Variants in ATP8B4 observed in about 807,000 individuals in gnomAD.
ATP8B4 encodes the protein probable phospholipid-transporting ATPase IM.
In ATP8B4, 133 loss-of-function variants were observed where a neutral mutation model predicts 145.6. The ratio of observed to expected loss-of-function variants is 0.91; its 90% CI spans 0.79 to 1.05. The LOEUF (loss-of-function observed/expected upper bound fraction) is 1.05. Among genes scored for constraint, ATP8B4 ranks in the 50% least tolerant of loss-of-function variants. ATP8B4 has a pLI of 0.00. For missense variants in ATP8B4, 1,458 were observed against 1,425.2 expected (o/e 1.02, Z -0.37); for synonymous variants, 507 against 492.9 (o/e 1.03, Z -0.38).
At chr15:50,036,529 C>G (rs921622987) in intron 6 of ATP8B4, among the ~76,000 whole-genome samples, 1 of 152,210 alleles carries the variant, frequency 6.6e-6, no homozygotes, top group Non-Finnish European at 1.5e-5. Context: ...TCCCCAATAT[C>G]TCAAAATCCA....
intron 9 of ATP8B4, among the ~76,000 whole-genome samples, chr15:49,993,555 T>C (rs2047198911): frequency 6.6e-6 from 1 of 152,172 alleles, no homozygotes; most frequent in Non-Finnish European, 1.5e-5. Flanking sequence ...CATCATCCTC[T>C]TGGTCTTTAA....
intron 23 of ATP8B4, among the ~76,000 whole-genome samples, chr15:49,885,344 G>C (rs11853881): frequency 0.24 from 37,093 of 152,064 alleles, 5,639 homozygotes; most frequent in Middle Eastern, 0.35. Context: ...CTCTCAGTGA[G>C]ACCTTTTACA....
chr15:50,044,551 A>T, intron 5 of ATP8B4, 43 bp downstream of exon 5: 1 of 1,358,400 alleles, frequency 7.4e-7, no homozygotes. Flanking sequence ...AGAAGCCACA[A>T]CTGAAATTGA....
At chr15:49,917,760 A>G (rs2039890656) in intron 19 of ATP8B4, among the ~76,000 whole-genome samples, 1 of 152,174 alleles carries the variant, frequency 6.6e-6, no homozygotes, top group African/African-American at 2.4e-5. Context: ...ACTCTAGCTA[A>G]TTCTATGGAA....
At chr15:49,938,924 G>A (rs1275899809) in intron 14 of ATP8B4, among the ~76,000 whole-genome samples, 2 of 151,792 alleles carry the variant, frequency 1.3e-5, no homozygotes, top group Non-Finnish European at 2.9e-5. Flanking sequence ...GACCAAAGTA[G>A]GACAAAAATA....
At chr15:50,019,931 G>A (rs1487004229) in intron 6 of ATP8B4, among the ~76,000 whole-genome samples, 1 of 151,480 alleles carries the variant, frequency 6.6e-6, no homozygotes, top group African/African-American at 2.4e-5. Flanking sequence ...TCTCCACTAT[G>A]TAGGGCCCAG....
At chr15:50,117,255 G>A (rs1296747196) in intron 1 of ATP8B4, among the ~76,000 whole-genome samples, 1 of 152,044 alleles carries the variant, frequency 6.6e-6, no homozygotes, top group Non-Finnish European at 1.5e-5. Flanking sequence ...TCATCATGTT[G>A]GCCAGGGTAG....
At chr15:50,146,014 C>CT (rs10624735) in intron 1 of ATP8B4, among the ~76,000 whole-genome samples, 25,162 of 133,022 alleles carry the variant, frequency 0.19, 2,945 homozygotes, top group Non-Finnish European at 0.21. Context: ...TAAATGTTTA[C>CT]TTTTTTTTTT....
At chr15:50,018,741 T>A (rs534199825) in intron 6 of ATP8B4, 3 of 341,984 alleles carry the variant, frequency 8.8e-6, no homozygotes, top group Non-Finnish European at 1.7e-5. Flanking sequence ...GAAAACTATA[T>A]GCCTGGACTG....
rs535001071 is a variant in ATP8B4 at position 49,942,791 on chromosome 15, C to T, written c.1288-8609G>A. The stretch of plus-strand genomic sequence containing the variant: ...AGTGAGCCGAGATCGCGCCACTGCA[C>T]TCCAGCCTGGGTGACAGAGCAAGAC... On this transcript the variant is annotated intron_variant, in intron 14 of 27. Coordinates refer to ENST00000284509, the MANE Select transcript of ATP8B4 (RefSeq NM_024837.4). Among the ~76,000 whole-genome samples, 37 of 152,008 alleles carry T rather than the reference C, an allele frequency of 2.4e-4. No homozygotes were observed. In the East Asian group the frequency reaches 7.1e-3, roughly 29 times the overall value.
In ATP8B4 at chr15:50,086,994, TAAA is replaced by T. The variant is rs1382535881; in HGVS notation, c.29-12812_29-12810del. ...AGAGATCTATATTTATTATATATAA[TAAA>T]ATAATATAGAGATCTATATTATTAT... On this transcript the variant is annotated intron_variant, in intron 2 of 27. Coordinates refer to ENST00000284509, the MANE Select transcript of ATP8B4 (RefSeq NM_024837.4). Among the ~76,000 whole-genome samples, 40 of 109,080 alleles carry T rather than the reference TAAA, an allele frequency of 3.7e-4. No homozygotes were observed. In the South Asian group the frequency reaches 0.011, roughly 30 times the overall value. 71.6% of individuals were successfully genotyped at this position (109,080 alleles called of 152,430 possible).
At chr15:50,049,006 G>C (rs2051955759) in intron 3 of ATP8B4, among the ~76,000 whole-genome samples, 2 of 152,178 alleles carry the variant, frequency 1.3e-5, no homozygotes, top group African/African-American at 4.8e-5. Context: ...GAAAGGTGGA[G>C]ACTTGAGACA....
chr15:50,121,941 AAG>A (rs1382855087), upstream of ATP8B4, among the ~76,000 whole-genome samples: 6 of 152,258 alleles, frequency 3.9e-5, no homozygotes, highest in African/African-American at 1.4e-4. Flanking sequence ...GAGAGAAAAA[AAG>A]AATTCTGAAT....
chr15:49,991,538 A>G (rs190960328), intron 9 of ATP8B4, among the ~76,000 whole-genome samples: 2 of 152,326 alleles, frequency 1.3e-5, no homozygotes, highest in East Asian at 3.9e-4. Context: ...AGACTTTAAC[A>G]TGAAAATCAA....
At chr15:49,892,131 T>C (rs1186445675) in intron 23 of ATP8B4, among the ~76,000 whole-genome samples, 1 of 148,040 alleles carries the variant, frequency 6.8e-6, no homozygotes, top group African/African-American at 2.5e-5. Context: ...AAAAAAAAAA[T>C]CTTAAAAGTC....
chr15:49,926,694 G>T (rs2040755572), intron 16 of ATP8B4, among the ~76,000 whole-genome samples: 1 of 152,066 alleles, frequency 6.6e-6, no homozygotes, highest in Non-Finnish European at 1.5e-5. Context: ...GGAACATATG[G>T]GGAACTTAAA....
chr15:50,045,729 G>T (rs2051662999), intron 4 of ATP8B4, among the ~76,000 whole-genome samples: 1 of 151,988 alleles, frequency 6.6e-6, no homozygotes, highest in Admixed American at 6.6e-5. Context: ...AATCTCTCTG[G>T]GTCTAATTTC....
Position 49,901,091 on chromosome 15 carries a change from C to T in ATP8B4, c.2289+1G>A. On this transcript the variant is annotated splice_donor_variant, in intron 21 of 27. Transcript: ENST00000284509. LOFTEE classifies it high-confidence loss of function. ...AGGACAAAAACCTTAGGCAAACTCACCAAACTGTGGCCATTTATGATTAAG... is the reference window on the plus strand; with the variant it reads ...AGGACAAAAACCTTAGGCAAACTCATCAAACTGTGGCCATTTATGATTAAG... 6.2e-7 allele frequency: 1 copy of T among 1,611,738 alleles called. No individual in the cohort carries two copies.
At chr15:49,949,702 T>C (rs1212524656) in intron 14 of ATP8B4, among the ~76,000 whole-genome samples, 1 of 152,150 alleles carries the variant, frequency 6.6e-6, no homozygotes, top group Non-Finnish European at 1.5e-5. Context: ...CTTTCAATAT[T>C]ATGTTGAATG....
Sources: gnomAD v4.1 joint callset for allele counts (sites outside exome capture counted in the v4.1 genomes callset) on GRCh38, gnomAD v4.1.1 for gene constraint, MANE v1.5 for transcripts, NCBI Gene and HGNC (gene_info 2026-07-23, HGNC 2026-07-21) for gene names.